Variants in KSR2 observed in about 807,000 individuals in gnomAD.
KSR2 encodes the protein kinase suppressor of ras 2.
KSR2 carries 25 observed loss-of-function variants against 107.8 expected under a neutral mutation model. The observed-to-expected ratio is 0.23, with a 90% CI of 0.17 to 0.32. KSR2 has a LOEUF of 0.32. KSR2 is among the 10% of genes least tolerant of loss of function. The pLI is 1.00. For synonymous variants in KSR2, 480 were observed against 507.0 expected, an observed-to-expected ratio of 0.95 and a Z score of 0.71; for missense variants, 887 against 1,268.9, an observed-to-expected ratio of 0.70 and a Z score of 4.57.
At chr12:117,754,626 A>T (rs1319998291) in intron 4 of KSR2, among the ~76,000 whole-genome samples, 10 of 145,716 alleles carry the variant, frequency 6.9e-5, no homozygotes, top group Admixed American at 6.2e-4. Context: ...CAACAGAGTG[A>T]GGCTCCATCT....
intron 3 of KSR2, among the ~76,000 whole-genome samples, chr12:117,790,169 A>G (rs976633280): frequency 1.3e-5 from 2 of 152,160 alleles, no homozygotes; most frequent in Non-Finnish European, 2.9e-5. Flanking sequence ...TAGAAAGTGT[A>G]TTTTGCCAAG....
intron 7 of KSR2, among the ~76,000 whole-genome samples, chr12:117,566,660 G>A (rs1318463810): frequency 1.3e-5 from 2 of 152,168 alleles, no homozygotes; most frequent in East Asian, 1.9e-4. Context: ...TTCAGATAGT[G>A]ATGGGCAGAA....
intron 5 of KSR2, among the ~76,000 whole-genome samples, chr12:117,656,940 G>GGAGATATATATATATATAATAGGA (rs146017185): frequency 5.7e-4 from 21 of 36,662 alleles, no homozygotes; most frequent in African/African-American, 1.8e-3. Flanking sequence ...ATATATAATA[G>GGAGATATATATATATATAATAGGA]GATATATATA....
At chr12:117,644,184 T>A (rs1202660572) in intron 5 of KSR2, among the ~76,000 whole-genome samples, 2 of 152,222 alleles carry the variant, frequency 1.3e-5, no homozygotes, top group Non-Finnish European at 2.9e-5. Context: ...CCAGATAATC[T>A]GACAGTAATC....
chr12:117,604,802 A>G (rs1881140325), intron 5 of KSR2, among the ~76,000 whole-genome samples: 1 of 152,146 alleles, frequency 6.6e-6, no homozygotes, highest in African/African-American at 2.4e-5. Flanking sequence ...GAAGAGTGGG[A>G]CTGCAGCAAG....
chr12:117,462,298 G>C lies in KSR2; in HGVS notation c.*4901C>G, dbSNP rs1021616264. 7.2e-6 allele frequency: 1 copy of C among 138,514 alleles called. No individual in the cohort carries two copies. The highest frequency in any genetic ancestry group is 2.7e-5 in the African/African-American group (1 of 36,544). The allele number at this position is 138,514 out of a possible 1,614,324, so 8.6% of individuals were successfully genotyped here. ...CCTCATTCCTAGTACCTCAGAATGA[G>C]ACTTCATTTGGAGAGAGGGTCTTTG... On this transcript the variant is annotated 3_prime_UTR_variant, in exon 20 of 20. Coordinates refer to ENST00000339824, the MANE Select transcript of KSR2 (RefSeq NM_173598.6).
chr12:117,631,773 A>G (rs1882818854), intron 5 of KSR2, among the ~76,000 whole-genome samples: 1 of 152,230 alleles, frequency 6.6e-6, no homozygotes, highest in South Asian at 2.1e-4. Flanking sequence ...TTATTTATCA[A>G]ATGAAATAAT....
At chr12:117,725,460 G>T (rs991725994) in intron 4 of KSR2, among the ~76,000 whole-genome samples, 9 of 152,188 alleles carry the variant, frequency 5.9e-5, no homozygotes, top group Middle Eastern at 3.2e-3. Flanking sequence ...AACAAATGGT[G>T]CTGGAACATC....
chr12:117,859,695 G>A (rs914434282), intron 2 of KSR2, among the ~76,000 whole-genome samples: 8 of 151,440 alleles, frequency 5.3e-5, no homozygotes, highest in Non-Finnish European at 7.4e-5. Context: ...GTGCTCAAGC[G>A]ATCCATCTGC....
At chr12:117,959,313 T>G (rs2137600120) in intron 1 of KSR2, among the ~76,000 whole-genome samples, 1 of 152,230 alleles carries the variant, frequency 6.6e-6, no homozygotes, top group South Asian at 2.1e-4. Context: ...AGTCTTACAT[T>G]TCAAACAAGG....
intron 5 of KSR2, among the ~76,000 whole-genome samples, chr12:117,637,679 T>TTTTTG (rs1219435530): frequency 2.4e-5 from 2 of 82,922 alleles, no homozygotes; most frequent in African/African-American, 5.4e-5. Flanking sequence ...TTTTGGGTTT[T>TTTTTG]TTTTTTTTTT....
At chr12:117,477,135 G>C (rs1161752245) in intron 16 of KSR2, among the ~76,000 whole-genome samples, 1 of 152,148 alleles carries the variant, frequency 6.6e-6, no homozygotes, top group Admixed American at 6.5e-5. Context: ...ACTGGCCCCA[G>C]AGCTAGAGCT....
intron 1 of KSR2, among the ~76,000 whole-genome samples, chr12:117,870,933 C>T (rs940903840): frequency 6.6e-6 from 1 of 152,192 alleles, no homozygotes; most frequent in East Asian, 1.9e-4. Flanking sequence ...ACCCAGAAAA[C>T]TGCACAGAGT....
chr12:117,699,864 A>T (rs150244280), intron 4 of KSR2, among the ~76,000 whole-genome samples: 1 of 152,062 alleles, frequency 6.6e-6, no homozygotes, highest in Non-Finnish European at 1.5e-5. Context: ...TTTCAGCTTC[A>T]TTATAATCTT....
At chr12:117,854,658 G>A (rs1254452822) in intron 3 of KSR2, among the ~76,000 whole-genome samples, 1 of 152,196 alleles carries the variant, frequency 6.6e-6, no homozygotes, top group Non-Finnish European at 1.5e-5. Flanking sequence ...TGGCTGGCAT[G>A]TGCAGAGCGG....
rs540734997 is a variant in KSR2 at position 117,817,600 on chromosome 12, T to C, written c.472+37828A>G. 1.7e-4 allele frequency among the ~76,000 whole-genome samples: 26 copies of C among 152,212 alleles called. No homozygotes were observed. The South Asian group carries it at 5.4e-3, about 32-fold the overall frequency. ...ACCTCATGATAATATTACCTGATAA[T>C]ACTATTTATATATACTAATAATATA... On this transcript the variant is annotated intron_variant, in intron 3 of 19. Transcript: ENST00000339824.
intron 3 of KSR2, among the ~76,000 whole-genome samples, chr12:117,765,884 C>G (rs996517290): frequency 1.3e-5 from 2 of 152,158 alleles, no homozygotes; most frequent in African/African-American, 4.8e-5. Flanking sequence ...ATGTCAATGC[C>G]AACAAATGGC....
chr12:117,935,255 C>T (rs529702041), intron 1 of KSR2, among the ~76,000 whole-genome samples: 1 of 152,228 alleles, frequency 6.6e-6, no homozygotes, highest in Admixed American at 6.5e-5. Flanking sequence ...CCTCCTCAGC[C>T]TCCCAAGTAG....
chr12:117,712,242 C>T (rs1394385969), intron 4 of KSR2, among the ~76,000 whole-genome samples: 1 of 152,190 alleles, frequency 6.6e-6, no homozygotes, highest in Admixed American at 6.5e-5. Flanking sequence ...AAGATGCCTG[C>T]ACGCTCCTCT....
Sources: allele counts gnomAD v4.1 joint callset (sites outside exome capture counted in the v4.1 genomes callset), GRCh38; gene constraint gnomAD v4.1.1; transcripts MANE v1.5; gene names NCBI Gene and HGNC (gene_info 2026-07-23, HGNC 2026-07-21).